GUCY1A2: variants seen among roughly 807,000 people sequenced by gnomAD.
GUCY1A2 encodes the protein guanylate cyclase 1 soluble subunit alpha 2, also known as guanylate cyclase soluble subunit alpha-2.
In GUCY1A2, 27 loss-of-function variants were observed where a neutral mutation model predicts 63.5. The ratio of observed to expected loss-of-function variants is 0.43; its 90% CI spans 0.31 to 0.59. The LOEUF (loss-of-function observed/expected upper bound fraction) is 0.59. Ranked by LOEUF, GUCY1A2 falls within the 20% of genes least tolerant of loss-of-function variation. GUCY1A2 has a pLI of 0.11. For missense variants in GUCY1A2, 768 were observed against 913.3 expected (o/e 0.84, Z 2.05); for synonymous variants, 364 against 343.5 (o/e 1.06, Z -0.66).
At chr11:106,687,864 T>G in intron 7 of GUCY1A2, 108 bp from the exon 8 acceptor site, 1 of 709,652 alleles carries the variant, frequency 1.4e-6, no homozygotes, top group Non-Finnish European at 2.5e-6. Flanking sequence ...TTCATGGTAA[T>G]ACCTCTATTT....
At position 106,965,405 on chromosome 11, in the gene GUCY1A2, A is replaced by G. The variant is rs185512392; in HGVS notation, c.487+13214T>C. 3.9e-5 allele frequency among the ~76,000 whole-genome samples: 6 copies of G among 152,354 alleles called. No homozygotes were observed. In the South Asian group the frequency reaches 1.2e-3, roughly 32 times the overall value. On this transcript the variant is annotated intron_variant, in intron 3 of 7. Coordinates refer to ENST00000526355, the MANE Select transcript of GUCY1A2 (RefSeq NM_000855.3). ...ATAATTTATACATGTGTATACATAC[A>G]TATGTATACATGTATGTGTATGTAT... is the stretch of plus-strand genomic sequence containing the variant.
intron 4 of GUCY1A2, among the ~76,000 whole-genome samples, chr11:106,833,596 A>G (rs979702992): frequency 2.6e-5 from 4 of 152,100 alleles, no homozygotes; most frequent in East Asian, 1.9e-4. Flanking sequence ...TGCTAGATCC[A>G]TAAGAGTAGC....
Position 107,017,831 on chromosome 11 carries a change from C to T in GUCY1A2, c.225G>A (p.Gly75=). 2.3e-6 allele frequency: 3 copies of T among 1,297,638 alleles called. No individual in the cohort carries two copies. Among genetic ancestry groups the T allele is most frequent in the South Asian group, 3.0e-5 (1 of 32,908 alleles). 80.4% of individuals were successfully genotyped at this position (1,297,638 alleles called of 1,614,324 possible). Residue 75 remains glycine (G), a synonymous_variant, in exon 1 of 8, where the codon GGG becomes GGA. Coordinates refer to ENST00000526355, the MANE Select transcript of GUCY1A2 (RefSeq NM_000855.3). The stretch of plus-strand genomic sequence containing the variant: ...GCCTCCGGCGCTGCACCCTCCTGGC[C>T]CCGGCAGTGGCAGCGGCGGCGGCGG... ...ASAAAAAATA[G]ARRVQRRRRV...
intron 6 of GUCY1A2, among the ~76,000 whole-genome samples, chr11:106,773,696 T>G (rs901293853): frequency 2.0e-5 from 3 of 152,188 alleles, no homozygotes; most frequent in Non-Finnish European, 2.9e-5. Flanking sequence ...TTCAAAGTTG[T>G]GTCAAACTAG....
chr11:107,004,959 G>A (rs1015548530), intron 1 of GUCY1A2, among the ~76,000 whole-genome samples: 1 of 152,180 alleles, frequency 6.6e-6, no homozygotes, highest in African/African-American at 2.4e-5. Flanking sequence ...ATAGGTTCTT[G>A]ATGTTCTCTG....
intron 3 of GUCY1A2, among the ~76,000 whole-genome samples, chr11:106,945,216 T>C (rs2119996251): frequency 6.8e-6 from 1 of 147,852 alleles, no homozygotes; most frequent in Non-Finnish European, 1.5e-5. Flanking sequence ...AACAGGTAAT[T>C]AAAAAAAATT....
intron 4 of GUCY1A2, among the ~76,000 whole-genome samples, chr11:106,869,010 G>T (rs1591308283): frequency 6.6e-6 from 1 of 152,168 alleles, no homozygotes; most frequent in Non-Finnish European, 1.5e-5. Flanking sequence ...ATGGGGAAAA[G>T]GATTCTCTAT....
intron 4 of GUCY1A2, among the ~76,000 whole-genome samples, chr11:106,931,587 A>G (rs1591332289): frequency 6.6e-6 from 1 of 152,226 alleles, no homozygotes; most frequent in Non-Finnish European, 1.5e-5. Context: ...TGGAAAATCA[A>G]TGTCCATCAA....
At chr11:106,838,247 C>G (rs544913377) in intron 4 of GUCY1A2, among the ~76,000 whole-genome samples, 2 of 151,948 alleles carry the variant, frequency 1.3e-5, no homozygotes, top group African/African-American at 2.4e-5. Flanking sequence ...GCCTTACCCC[C>G]TTTCTAAACT....
At chr11:106,945,422 C>T (rs569161199) in intron 3 of GUCY1A2, among the ~76,000 whole-genome samples, 1 of 151,036 alleles carries the variant, frequency 6.6e-6, no homozygotes, top group Middle Eastern at 3.5e-3. Flanking sequence ...ACACATTAAT[C>T]GATCAAGAAA....
chr11:106,851,532 TGA>T (rs1859355094), intron 4 of GUCY1A2, among the ~76,000 whole-genome samples: 1 of 151,962 alleles, frequency 6.6e-6, no homozygotes, highest in South Asian at 2.1e-4. Context: ...CTGTCTATGG[TGA>T]GAGAGAGGAG....
chr11:106,870,320 C>T (rs1310934721), intron 4 of GUCY1A2, among the ~76,000 whole-genome samples: 2 of 151,970 alleles, frequency 1.3e-5, no homozygotes, highest in African/African-American at 4.8e-5. Context: ...CAAACATTTA[C>T]ATTCATATAA....
chr11:106,850,589 T>C (rs1190230297), intron 4 of GUCY1A2, among the ~76,000 whole-genome samples: 1 of 151,836 alleles, frequency 6.6e-6, no homozygotes, highest in Non-Finnish European at 1.5e-5. Flanking sequence ...CACATATGTG[T>C]GACAACATGT....
intron 6 of GUCY1A2, among the ~76,000 whole-genome samples, chr11:106,740,255 C>A (rs1863670236): frequency 6.6e-6 from 1 of 151,952 alleles, no homozygotes; most frequent in Admixed American, 6.6e-5. Context: ...GTGCCTTGGC[C>A]TCCCAACAAT....
chr11:106,823,632 C>T (rs1858930782), intron 4 of GUCY1A2, among the ~76,000 whole-genome samples: 1 of 152,004 alleles, frequency 6.6e-6, no homozygotes, highest in Admixed American at 6.6e-5. Flanking sequence ...TATTTTTAGT[C>T]CTTTGAGCTA....
chr11:106,924,734 G>A (rs532895580), intron 4 of GUCY1A2, among the ~76,000 whole-genome samples: 1 of 152,142 alleles, frequency 6.6e-6, no homozygotes, highest in Non-Finnish European at 1.5e-5. Context: ...GCCCAGCTTG[G>A]TGGCTCATGT....
chr11:106,823,530 A>G (rs1351551471), intron 4 of GUCY1A2, among the ~76,000 whole-genome samples: 1 of 152,122 alleles, frequency 6.6e-6, no homozygotes, highest in Non-Finnish European at 1.5e-5. Flanking sequence ...TGACTTTCCT[A>G]TTGTGAGGTA....
intron 1 of GUCY1A2, among the ~76,000 whole-genome samples, chr11:107,010,961 C>T (rs983873283): frequency 3.9e-5 from 6 of 152,012 alleles, no homozygotes; most frequent in African/African-American, 1.5e-4. Flanking sequence ...AACTCCTGAC[C>T]TCAGGCAATC....
chr11:106,900,073 G>A (rs1362194989), intron 4 of GUCY1A2, among the ~76,000 whole-genome samples: 8 of 140,220 alleles, frequency 5.7e-5, no homozygotes, highest in East Asian at 2.1e-4. Flanking sequence ...GCGACAGAGC[G>A]AGACTCCGTC....
Sources: gnomAD v4.1 joint callset for allele counts (sites outside exome capture counted in the v4.1 genomes callset) on GRCh38, gnomAD v4.1.1 for gene constraint, MANE v1.5 for transcripts, NCBI Gene and HGNC (gene_info 2026-07-23, HGNC 2026-07-21) for gene names.